The following CLK2 variants were observed in gnomAD, a reference collection of about 807,000 sequenced individuals.
The protein encoded by CLK2 is CDC like kinase 2.
CLK2 carries 12 observed loss-of-function variants against 73.5 expected under a neutral mutation model. That is an observed-to-expected ratio of 0.16 (90% confidence interval 0.10 to 0.26). CLK2 has a LOEUF of 0.26. CLK2 is among the 10% of genes least tolerant of loss of function. The pLI is 1.00. For missense variants in CLK2, 509 were observed against 688.4 expected (o/e 0.74, Z 2.92); for synonymous variants, 232 against 237.9 (o/e 0.98, Z 0.23).
chr1:155,265,790 G>T, intron 8 of CLK2, 70 bp downstream of exon 8: 1 of 1,011,690 alleles, frequency 9.9e-7, no homozygotes, highest in Non-Finnish European at 1.6e-6. Context: ...GAAAACAAAG[G>T]GCTCGGCAGA....
chr1:155,272,347 C>T (rs1673553633), intron 1 of CLK2, among the ~76,000 whole-genome samples: 4 of 152,146 alleles, frequency 2.6e-5, no homozygotes, highest in Admixed American at 1.3e-4. Context: ...ATCAGCCCTA[C>T]TTAGCTGACA....
Position 155,266,793 on chromosome 1 carries a change from G to A in CLK2, c.774C>T (p.Asn258=). 1 of 1,613,686 alleles carries A rather than the reference G, an allele frequency of 6.2e-7. No homozygotes were observed. The highest frequency in any genetic ancestry group is 8.5e-7 in the Non-Finnish European group (1 of 1,179,844). Residue 258 remains asparagine (N), a synonymous_variant, in exon 7 of 13, where the codon AAC becomes AAT. Coordinates refer to ENST00000368361, the MANE Select transcript of CLK2 (RefSeq NM_001294338.2). ...CTTGGTGGATGGGGTAGGGCAGGTA[G>A]TTGTTGTCTTTGAGGAAATCGAAGG... The part of the protein sequence containing the change: ...LSTFDFLKDN[N]YLPYPIHQVR...
chr1:155,264,327 T>C (rs1188927040), intron 10 of CLK2, 27 bp from the exon 11 acceptor site: 2 of 1,613,696 alleles, frequency 1.2e-6, no homozygotes, highest in Non-Finnish European at 1.7e-6. Flanking sequence ...GAACTGAGCA[T>C]GGGACTGAAA....
In CLK2 at chr1:155,268,552, T is replaced by C. The variant is rs1157905158; in HGVS notation, c.487+156A>G. Reference sequence around the variant, plus strand: ...ACCCAGGGGCCGTGAGAGCTGGGAGTGGACAACAGAGGTCAATTCTCAACA... The same window carrying C: ...ACCCAGGGGCCGTGAGAGCTGGGAGCGGACAACAGAGGTCAATTCTCAACA... On this transcript the variant is annotated intron_variant, in intron 4 of 12. Transcript: ENST00000368361. The surrounding 1 kb of genome is among the most constrained non-coding windows in gnomAD (Gnocchi z 5.6). 7.5e-6 allele frequency: 6 copies of C among 804,956 alleles called. No individual in the cohort carries two copies. The East Asian group carries it at 1.5e-4, about 20-fold the overall frequency. 49.9% of individuals were successfully genotyped at this position (804,956 alleles called of 1,614,324 possible). A position where few individuals can be genotyped will look rare whatever the true frequency, so the allele number is the denominator to read the frequency against.
intron 8 of CLK2, 99 bp from the exon 9 acceptor site, chr1:155,264,873 TCTC>T (rs1673153823): frequency 2.8e-6 from 4 of 1,441,104 alleles, no homozygotes; most frequent in Admixed American, 2.0e-5. Context: ...GGTACTGTGA[TCTC>T]CTGCCTGGCC....
intron 2 of CLK2, 66 bp from the exon 3 acceptor site, chr1:155,269,782 C>T: frequency 2.1e-6 from 3 of 1,435,612 alleles, no homozygotes; most frequent in Non-Finnish European, 2.9e-6. Context: ...TACCCTGTGA[C>T]AAGGTCCTGC....
intron 1 of CLK2, among the ~76,000 whole-genome samples, chr1:155,272,016 GT>G (rs34906309): frequency 4.3e-4 from 59 of 137,082 alleles, no homozygotes; most frequent in Non-Finnish European, 5.3e-4. Context: ...TGTTTCTTGT[GT>G]TTTTTTTTTT....
intron 7 of CLK2, 107 bp downstream of exon 7, chr1:155,266,622 G>T: frequency 8.3e-7 from 1 of 1,205,218 alleles, no homozygotes; most frequent in Non-Finnish European, 1.1e-6. Flanking sequence ...AAGAACTGCA[G>T]ATAACAGACA....
At chr1:155,272,518 G>A (rs1339316120) in intron 1 of CLK2, among the ~76,000 whole-genome samples, 1 of 152,136 alleles carries the variant, frequency 6.6e-6, no homozygotes, top group African/African-American at 2.4e-5. Flanking sequence ...CTTGGTGGGG[G>A]TGTATGAGAA....
chr1:155,268,554 G>A lies in CLK2; in HGVS notation c.487+154C>T. 2.4e-6 allele frequency: 2 copies of A among 816,778 alleles called. No individual in the cohort carries two copies. The highest frequency in any genetic ancestry group is 1.9e-5 in the Admixed American group (1 of 51,294). The allele number at this position is 816,778 out of a possible 1,614,324, so 50.6% of individuals were successfully genotyped here. On this transcript the variant is annotated intron_variant, in intron 4 of 12. Coordinates refer to ENST00000368361, the MANE Select transcript of CLK2 (RefSeq NM_001294338.2). The surrounding 1 kb of genome is among the most constrained non-coding windows in gnomAD (Gnocchi z 5.6). Reference sequence around the variant, plus strand: ...CCAGGGGCCGTGAGAGCTGGGAGTGGACAACAGAGGTCAATTCTCAACAGC... The same window carrying A: ...CCAGGGGCCGTGAGAGCTGGGAGTGAACAACAGAGGTCAATTCTCAACAGC...
rs1432963534 is a variant in CLK2 at position 155,263,176 on chromosome 1, C to T, written c.*42G>A. 2 of 1,577,118 alleles carry T rather than the reference C, an allele frequency of 1.3e-6. No homozygotes were observed. Among genetic ancestry groups the T allele is most frequent in the African/African-American group, 1.4e-5 (1 of 74,022 alleles). The stretch of plus-strand genomic sequence containing the variant: ...AAGCACCAGTGTCCTGGACTGGACA[C>T]CCACTGCTATAAAAGATGCAGGGGG... On this transcript the variant is annotated 3_prime_UTR_variant, in exon 13 of 13. Transcript: ENST00000368361.
In CLK2 at chr1:155,264,558, A is replaced by G. The variant is rs755171669; in HGVS notation, c.1064-8T>C. 3.7e-6 allele frequency: 6 copies of G among 1,614,116 alleles called. No individual in the cohort carries two copies. Among genetic ancestry groups the G allele is most frequent in the South Asian group, 1.1e-5 (1 of 91,094 alleles). On this transcript the variant is annotated splice_polypyrimidine_tract_variant and splice_region_variant and intron_variant, in intron 9 of 12. Coordinates refer to ENST00000368361, the MANE Select transcript of CLK2 (RefSeq NM_001294338.2). ...GCTGTGACCAGCCCAACTCTGGGTG[A>G]GAATGGGAGGGAAAAGGTGTTATGA...
chr1:155,267,849 C>T (rs190702028), intron 6 of CLK2, among the ~76,000 whole-genome samples, 161 bp downstream of exon 6: 2 of 152,142 alleles, frequency 1.3e-5, no homozygotes, highest in Admixed American at 6.5e-5. Context: ...TGGGCCCCCC[C>T]CCTTTCCTAC....
chr1:155,269,544 G>C lies in CLK2; in HGVS notation c.343C>G (p.Arg115Gly). Residue 115 changes from arginine to glycine, a missense_variant, in exon 3 of 13, where the codon CGG (arginine) becomes GGG (glycine). Physicochemically the swap from Arg to Gly is moderately radical, Grantham distance 125 (BLOSUM62 -2). Around this residue, in one of 6 missense-constraint regions of CLK2, gnomAD observed 222 missense variants for 221.7 expected, o/e 1.00. Transcript: ENST00000368361. ...CTCCTCCGCCGTCTGTGCTTCCTCC[G>C]GCTGCTGCGCTGGCTGCGGTAACTG... Reference protein sequence around the residue: ...NSSYRSQRSSRRKHRRRRRRS... With the variant: ...NSSYRSQRSSGRKHRRRRRRS... 6.2e-7 allele frequency: 1 copy of C among 1,614,090 alleles called. No homozygotes were observed. Among genetic ancestry groups the C allele is most frequent in the Non-Finnish European group, 8.5e-7 (1 of 1,180,032 alleles).
rs1384862393 is a variant in CLK2, at chr1:155,268,937, C to T, written c.400-142G>A. 4.5e-6 allele frequency: 3 copies of T among 660,922 alleles called. No homozygotes were observed. Among genetic ancestry groups the T allele is most frequent in the Admixed American group, 2.1e-5 (1 of 46,734 alleles). 40.9% of individuals were successfully genotyped at this position (660,922 alleles called of 1,614,324 possible). A position where few individuals can be genotyped will look rare whatever the true frequency, so the allele number is the denominator to read the frequency against. On this transcript the variant is annotated intron_variant, in intron 3 of 12. Transcript: ENST00000368361. This position sits in a 1 kb window ranked among gnomAD's most constrained non-coding sequence, Gnocchi z 5.6. ...GATGATGGGGGACAGTGGAAGGGAA[C>T]ACGTCAGATGCAGTAAGGTGGATCG...
At chr1:155,266,939 C>T (rs1024219725) in intron 6 of CLK2, 44 bp from the exon 7 acceptor site, 1 of 1,597,912 alleles carries the variant, frequency 6.3e-7, no homozygotes, top group African/African-American at 1.3e-5. Context: ...GATGAGCTCC[C>T]ATCTGCCCAT....
intron 8 of CLK2, 109 bp from the exon 9 acceptor site, chr1:155,264,883 G>C (rs2148132425): frequency 7.4e-7 from 1 of 1,353,374 alleles, no homozygotes; most frequent in African/African-American, 1.4e-5. Flanking sequence ...TCTCCTGCCT[G>C]GCCTTACAAG....
intron 3 of CLK2, chr1:155,269,278 G>A (rs1673380176): frequency 6.6e-6 from 4 of 605,322 alleles, no homozygotes; most frequent in Non-Finnish European, 1.2e-5. Flanking sequence ...AGAGCACTGG[G>A]GGTCACAAAT....
chr1:155,265,845 C>T lies in CLK2; in HGVS notation c.933+15G>A, dbSNP rs780871055. On this transcript the variant is annotated intron_variant, in intron 8 of 12. Coordinates refer to ENST00000368361, the MANE Select transcript of CLK2 (RefSeq NM_001294338.2). ...CCTGCCCCCAGTAACCAAGGGCAGA[C>T]CCTATCCATCTTACCTTCTCTAGGT... is the stretch of plus-strand genomic sequence containing the variant. 4 of 1,554,402 alleles carry T rather than the reference C, an allele frequency of 2.6e-6. 1 individual carries two copies. In the South Asian group the frequency reaches 3.3e-5, roughly 13 times the overall value.
Sources: gnomAD v4.1 joint callset for allele counts (sites outside exome capture counted in the v4.1 genomes callset) on GRCh38, gnomAD v4.1.1 for gene constraint, gnomAD v4.1.1 regional missense constraint, Gnocchi (gnomAD v3.1) non-coding constraint, MANE v1.5 for transcripts, NCBI Gene and HGNC (gene_info 2026-07-23, HGNC 2026-07-21) for gene names.